PDE4D: variants seen among roughly 807,000 people sequenced by gnomAD.
PDE4D encodes the protein 3',5'-cyclic-AMP phosphodiesterase 4D.
In PDE4D, 24 loss-of-function variants were observed where a neutral mutation model predicts 87.4. The ratio of observed to expected loss-of-function variants is 0.27; its 90% CI spans 0.20 to 0.39. PDE4D has a LOEUF of 0.39. PDE4D is among the 10% of genes least tolerant of loss of function. The pLI, the probability that PDE4D is intolerant of heterozygous loss-of-function variation, is 1.00. For missense variants in PDE4D, 714 were observed against 1,041.0 expected (o/e 0.69, Z 4.32); for synonymous variants, 384 against 383.2 (o/e 1.00, Z -0.02).
intron 1 of PDE4D, among the ~76,000 whole-genome samples, chr5:60,246,534 C>T (rs994673553): frequency 6.6e-6 from 1 of 151,776 alleles, no homozygotes; most frequent in Non-Finnish European, 1.5e-5. Flanking sequence ...TTACAGTCTA[C>T]TAATTTTCTC....
At chr5:59,367,700 T>C (rs1783292256) in intron 1 of PDE4D, among the ~76,000 whole-genome samples, 1 of 152,156 alleles carries the variant, frequency 6.6e-6, no homozygotes, top group African/African-American at 2.4e-5. Context: ...TAAAATCAAA[T>C]CATTAATAGA....
At chr5:60,474,884 G>A (rs1464144579) in intron 1 of PDE4D, among the ~76,000 whole-genome samples, 1 of 152,190 alleles carries the variant, frequency 6.6e-6, no homozygotes, top group East Asian at 1.9e-4. Context: ...CAAGCTCTGT[G>A]CAGCTGCTGC....
chr5:59,864,568 A>T lies in PDE4D; in HGVS notation c.455+28600T>A, dbSNP rs535326646. On this transcript the variant is annotated intron_variant, in intron 1 of 14. Transcript: ENST00000340635. ...TAATTGCAATGTAAAAGGGCATTTC[A>T]CTATGCTTAGCAAAGAGCTGGGTAT... Among the ~76,000 whole-genome samples, 30 of 152,308 alleles carry T rather than the reference A, an allele frequency of 2.0e-4. 1 individual carries two copies. In the East Asian group the frequency reaches 4.8e-3, roughly 24 times the overall value.
rs76615110 is a variant in PDE4D, at chr5:59,411,828, A to G, written c.456-195860T>C. 6.6e-3 allele frequency among the ~76,000 whole-genome samples: 1,004 copies of G among 152,362 alleles called. 12 individuals carry two copies. The highest frequency in any genetic ancestry group is 0.023 in the African/African-American group (967 of 41,588). ...GATCACATTTAAAACATTTTAAAAA[A>G]TTCTTAACACTACGCCAAATGTATT... is the stretch of plus-strand genomic sequence containing the variant. On this transcript the variant is annotated intron_variant, in intron 1 of 14. Transcript: ENST00000340635.
intron 1 of PDE4D, among the ~76,000 whole-genome samples, chr5:59,620,067 G>C (rs1830168797): frequency 6.6e-6 from 1 of 152,150 alleles, no homozygotes; most frequent in Non-Finnish European, 1.5e-5. Context: ...AAGCAGGTGG[G>C]ACTCAAGGTA....
intron 2 of PDE4D, among the ~76,000 whole-genome samples, chr5:60,067,245 T>C (rs1172342203): frequency 1.3e-5 from 2 of 152,126 alleles, no homozygotes. Context: ...ATGTGATCTG[T>C]AATGTAAATT....
At chr5:60,096,891 G>C (rs1186711850) in intron 2 of PDE4D, among the ~76,000 whole-genome samples, 1 of 152,008 alleles carries the variant, frequency 6.6e-6, no homozygotes, top group African/African-American at 2.4e-5. Context: ...TCATACCCAA[G>C]TCTTACCAAC....
chr5:59,606,217 A>G (rs920190969), intron 1 of PDE4D, among the ~76,000 whole-genome samples: 5 of 152,168 alleles, frequency 3.3e-5, no homozygotes, highest in African/African-American at 1.2e-4. Flanking sequence ...CTATAAATTG[A>G]GCTGAGCTTC....
intron 1 of PDE4D, among the ~76,000 whole-genome samples, chr5:59,779,076 C>G (rs962821168): frequency 2.0e-5 from 3 of 151,898 alleles, no homozygotes; most frequent in African/African-American, 7.3e-5. Flanking sequence ...GCATGAGAAT[C>G]TCTTGGACCT....
At chr5:59,922,978 G>T (rs538360426) in intron 3 of PDE4D, among the ~76,000 whole-genome samples, 4 of 152,196 alleles carry the variant, frequency 2.6e-5, no homozygotes, top group African/African-American at 7.2e-5. Flanking sequence ...GTAGCCCACT[G>T]CTCTGAAGGG....
chr5:59,532,339 T>C lies in PDE4D; in HGVS notation c.456-316371A>G, dbSNP rs943187194. On this transcript the variant is annotated intron_variant, in intron 1 of 14. Transcript: ENST00000340635. The stretch of plus-strand genomic sequence containing the variant: ...TTTTAGTAGAGATGGGTTTTCACCA[T>C]GTTGGCCAGGCTGGTCTTGAACTCC... 3.4e-4 allele frequency among the ~76,000 whole-genome samples: 52 copies of C among 152,096 alleles called. 1 individual carries two copies.
At chr5:59,424,361 G>C (rs745408776) in intron 1 of PDE4D, among the ~76,000 whole-genome samples, 23 of 152,128 alleles carry the variant, frequency 1.5e-4, no homozygotes, top group Non-Finnish European at 2.8e-4. Flanking sequence ...TAGTCCCTTT[G>C]TTTTCAAAGT....
intron 2 of PDE4D, among the ~76,000 whole-genome samples, chr5:60,023,726 A>G (rs1316613997): frequency 6.6e-6 from 1 of 152,184 alleles, no homozygotes; most frequent in Admixed American, 6.5e-5. Context: ...AAGCAGAATA[A>G]TTCATACTAT....
intron 5 of PDE4D, among the ~76,000 whole-genome samples, chr5:59,073,501 G>C (rs989131926): frequency 5.2e-5 from 7 of 134,192 alleles, no homozygotes; most frequent in African/African-American, 1.9e-4. Context: ...AAAATAAAGT[G>C]GGGGGCGGGG....
At chr5:59,030,565 C>A (rs998940786) in intron 6 of PDE4D, among the ~76,000 whole-genome samples, 12 of 151,742 alleles carry the variant, frequency 7.9e-5, no homozygotes, top group Admixed American at 4.6e-4. Flanking sequence ...ATAGCAAGAC[C>A]CTCTCTATAC....
chr5:60,331,627 A>G (rs1757315266), intron 1 of PDE4D, among the ~76,000 whole-genome samples: 1 of 152,162 alleles, frequency 6.6e-6, no homozygotes, highest in African/African-American at 2.4e-5. Context: ...CATGGCTTAC[A>G]TGGGAGGGTT....
intron 1 of PDE4D, among the ~76,000 whole-genome samples, chr5:60,450,419 T>A (rs1746009846): frequency 6.6e-6 from 1 of 152,126 alleles, no homozygotes; most frequent in Non-Finnish European, 1.5e-5. Context: ...CAGCCTAGTT[T>A]GGACAAACTG....
intron 1 of PDE4D, among the ~76,000 whole-genome samples, chr5:59,727,263 A>AC (rs1756735789): frequency 6.6e-6 from 1 of 152,110 alleles, no homozygotes; most frequent in Admixed American, 6.6e-5. Context: ...TTAGAAGTGG[A>AC]AAATACAACA....
At chr5:59,752,914 A>C (rs900968815) in intron 1 of PDE4D, among the ~76,000 whole-genome samples, 8 of 152,178 alleles carry the variant, frequency 5.3e-5, no homozygotes, top group African/African-American at 1.9e-4. Context: ...ACTTTATCCT[A>C]CAGGGCAGGG....
Sources: gnomAD v4.1 joint callset for allele counts (sites outside exome capture counted in the v4.1 genomes callset) on GRCh38, gnomAD v4.1.1 for gene constraint, MANE v1.5 for transcripts, NCBI Gene and HGNC (gene_info 2026-07-23, HGNC 2026-07-21) for gene names.